Variants in ZC3HAV1 observed in about 807,000 individuals in gnomAD.
The protein encoded by ZC3HAV1 is zinc finger CCCH-type antiviral protein 1.
ZC3HAV1 carries 41 observed loss-of-function variants against 86.6 expected under a neutral mutation model. The observed-to-expected ratio is 0.47, with a 90% confidence interval of 0.37 to 0.61. The LOEUF (loss-of-function observed/expected upper bound fraction) is 0.61. Ranked by LOEUF, ZC3HAV1 falls within the 20% of genes least tolerant of loss-of-function variation. ZC3HAV1 has a pLI of 0.00. For missense variants in ZC3HAV1, 964 were observed against 1,141.1 expected (o/e 0.84, Z 2.24); for synonymous variants, 421 against 432.1 (o/e 0.97, Z 0.32).
chr7:139,077,336 C>T (rs535109073), intron 5 of ZC3HAV1, among the ~76,000 whole-genome samples: 83 of 152,282 alleles, frequency 5.5e-4, no homozygotes, highest in Middle Eastern at 3.4e-3. Context: ...CTCCACCTCC[C>T]GGGTTCAAGA....
chr7:139,047,829 A>G lies in ZC3HAV1; in HGVS notation c.2474T>C (p.Ile825Thr). 1.9e-6 allele frequency: 3 copies of G among 1,612,254 alleles called. No homozygotes were observed. The highest frequency in any genetic ancestry group is 2.5e-6 in the Non-Finnish European group (3 of 1,179,678). Reference sequence around the variant, plus strand: ...ATACGGGCAATTTTTGTGGGAATAGATGGCATCTTTTGCAAAGTAAATTCC... The same window carrying G: ...ATACGGGCAATTTTTGTGGGAATAGGTGGCATCTTTTGCAAAGTAAATTCC... ...GKGIYFAKDA[I>T]YSHKNCPYDA... Residue 825 changes from isoleucine (I) to threonine (T), a missense_variant, in exon 13 of 13, where the codon ATC becomes ACC. Physicochemically the swap from Ile to Thr is moderately conservative, Grantham distance 89. Coordinates refer to ENST00000242351, the MANE Select transcript of ZC3HAV1 (RefSeq NM_020119.4).
In ZC3HAV1 at chr7:139,047,720, A is replaced by T; in HGVS notation, c.2583T>A (p.Pro861=). Residue 861 remains proline (P), a synonymous_variant, in exon 13 of 13, where the codon CCT becomes CCA. Transcript: ENST00000242351. ...TEGNITYTSP[P]PQFDSCVDTR... ...TATCCACACAGCTGTCGAACTGTGG[A>T]GGAGGGCTCGTGTACGTTATATTTC... 1 of 1,614,188 alleles carries T rather than the reference A, an allele frequency of 6.2e-7. No homozygotes were observed. Among genetic ancestry groups the T allele is most frequent in the Non-Finnish European group, 8.5e-7 (1 of 1,180,024 alleles).
At chr7:139,104,854 A>G (rs1817882773) in intron 1 of ZC3HAV1, among the ~76,000 whole-genome samples, 1 of 151,508 alleles carries the variant, frequency 6.6e-6, no homozygotes, top group South Asian at 2.1e-4. Context: ...CAAAATGGCA[A>G]AATCCCATCT....
chr7:139,107,769 C>T (rs1817977744), intron 1 of ZC3HAV1, among the ~76,000 whole-genome samples: 1 of 152,336 alleles, frequency 6.6e-6, no homozygotes, highest in Admixed American at 6.5e-5. Flanking sequence ...AGCCACTGCA[C>T]TCCAGCCTAA....
At chr7:139,072,333 C>T (rs749521664) in intron 7 of ZC3HAV1, among the ~76,000 whole-genome samples, 1 of 151,934 alleles carries the variant, frequency 6.6e-6, no homozygotes, top group African/African-American at 2.4e-5. Context: ...TACAAGCACG[C>T]GCCACCACAC....
intron 9 of ZC3HAV1, chr7:139,060,500 C>A: frequency 2.0e-6 from 2 of 992,408 alleles, no homozygotes; most frequent in South Asian, 9.0e-5. Context: ...CTTTCTCCGC[C>A]CCTCATCCTC....
At chr7:139,057,014 G>T (rs143364942) in intron 9 of ZC3HAV1, among the ~76,000 whole-genome samples, 237 of 152,256 alleles carry the variant, frequency 1.6e-3, no homozygotes, top group African/African-American at 5.2e-3. Flanking sequence ...ACAGGGAAAT[G>T]ATAACATGTA....
chr7:139,097,413 TATATATATATATA>T (rs1361811241), intron 1 of ZC3HAV1, among the ~76,000 whole-genome samples: 42 of 80,208 alleles, frequency 5.2e-4, no homozygotes, highest in South Asian at 1.0e-3. Flanking sequence ...TATATATATA[TATATATATATATA>T]TATTTTTTTT....
chr7:139,084,965 CACA>C, intron 2 of ZC3HAV1, among the ~76,000 whole-genome samples: 1 of 152,270 alleles, frequency 6.6e-6, no homozygotes, highest in South Asian at 2.1e-4. Context: ...ATGATTTTGC[CACA>C]TGGATAATCG....
chr7:139,064,551 G>A (rs1816542226), intron 8 of ZC3HAV1, among the ~76,000 whole-genome samples: 1 of 152,152 alleles, frequency 6.6e-6, no homozygotes, highest in Admixed American at 6.6e-5. Flanking sequence ...GCCTCTCCCT[G>A]GGCAGCTGCC....
chr7:139,082,717 C>A (rs1817160231), intron 3 of ZC3HAV1, among the ~76,000 whole-genome samples: 1 of 151,986 alleles, frequency 6.6e-6, no homozygotes, highest in African/African-American at 2.4e-5. Flanking sequence ...GTGAAATAAG[C>A]CAGTCAGAAA....
chr7:139,076,624 G>A (rs983995652), intron 5 of ZC3HAV1, among the ~76,000 whole-genome samples: 1 of 152,106 alleles, frequency 6.6e-6, no homozygotes, highest in Non-Finnish European at 1.5e-5. Flanking sequence ...GAGTGTGGTG[G>A]CTCACATCTG....
chr7:139,058,021 A>G (rs564704262), intron 9 of ZC3HAV1, among the ~76,000 whole-genome samples: 3 of 152,000 alleles, frequency 2.0e-5, no homozygotes, highest in Non-Finnish European at 4.4e-5. Context: ...ATGAACAGTG[A>G]CGTGTGCCGT....
At chr7:139,102,835 G>A (rs539696616) in intron 1 of ZC3HAV1, among the ~76,000 whole-genome samples, 7 of 150,886 alleles carry the variant, frequency 4.6e-5, no homozygotes, top group South Asian at 2.1e-4. Context: ...TGGGAGGATC[G>A]TTTGAATCCA....
At chr7:139,106,768 C>T (rs983897646) in intron 1 of ZC3HAV1, among the ~76,000 whole-genome samples, 62 of 151,666 alleles carry the variant, frequency 4.1e-4, no homozygotes, top group African/African-American at 1.5e-3. Context: ...GATCATTGTA[C>T]TGTATTATGT....
At chr7:139,073,551 C>T (rs949126785) in intron 7 of ZC3HAV1, among the ~76,000 whole-genome samples, 1 of 151,942 alleles carries the variant, frequency 6.6e-6, no homozygotes, top group Non-Finnish European at 1.5e-5. Flanking sequence ...AATGCAGTGG[C>T]GAAATCTCAG....
intron 1 of ZC3HAV1, among the ~76,000 whole-genome samples, chr7:139,090,044 CG>C (rs1191681270): frequency 1.3e-5 from 2 of 151,988 alleles, no homozygotes; most frequent in East Asian, 3.9e-4. Context: ...CTCAGCCTCC[CG>C]AGTAGCTGGA....
chr7:139,079,791 C>A lies in ZC3HAV1; in HGVS notation c.1150G>T (p.Ala384Ser). 2 of 1,614,082 alleles carry A rather than the reference C, an allele frequency of 1.2e-6. No individual in the cohort carries two copies. The highest frequency in any genetic ancestry group is 1.7e-6 in the Non-Finnish European group (2 of 1,180,032). ...KTVFSPTLPA[A>S]RSSLGSLQTP... ...TGCAGAGAGCCAAGAGAAGAGCGGG[C>A]GGCAGGTAGCGTGGGAGAAAACACA... The change falls in exon 4 of 13, where the codon GCC becomes TCC. Residue 384 changes from alanine to serine, a missense_variant. By Grantham distance (99) the Ala-to-Ser change is moderately conservative. Coordinates refer to ENST00000242351, the MANE Select transcript of ZC3HAV1 (RefSeq NM_020119.4).
Position 139,044,023 on chromosome 7 carries a change from G to T in ZC3HAV1, c.*3571C>A, listed in dbSNP as rs1356197719. The T allele has an allele frequency of 1.3e-5, 2 of 152,210 alleles. No homozygotes were observed. The highest frequency in any genetic ancestry group is 4.8e-5 in the African/African-American group (2 of 41,444). 9.4% of individuals were successfully genotyped at this position (152,210 alleles called of 1,614,324 possible). On this transcript the variant is annotated 3_prime_UTR_variant, in exon 13 of 13. Transcript: ENST00000242351. ...CAGGGAGAACGATGTCCTGCAGTGT[G>T]TGGGTTAGTGCCACACAACGAAGAA...
Sources: allele counts gnomAD v4.1 joint callset (sites outside exome capture counted in the v4.1 genomes callset), GRCh38; gene constraint gnomAD v4.1.1; transcripts MANE v1.5; gene names NCBI Gene and HGNC (gene_info 2026-07-23, HGNC 2026-07-21).